Variants in TSPAN9 observed in about 807,000 individuals in gnomAD.
The protein encoded by TSPAN9 is tetraspanin 9, also known as tetraspanin-9.
Under a neutral mutation model 31.0 loss-of-function variants are expected in TSPAN9, and 16 were observed. That is an observed-to-expected ratio of 0.52 (90% CI 0.35 to 0.78). The LOEUF (loss-of-function observed/expected upper bound fraction) is 0.78. Ranked by LOEUF, TSPAN9 falls within the 30% of genes least tolerant of loss-of-function variation. The probability of loss-of-function intolerance (pLI) is 0.01; values close to 1 mark genes in which losing one functional copy is unlikely to be tolerated. For synonymous variants in TSPAN9, 145 were observed against 121.6 expected (o/e 1.19, Z -1.27); for missense variants, 272 against 312.5 (o/e 0.87, Z 0.98).
At chr12:3,167,965 G>GT (rs2098349455) in intron 2 of TSPAN9, among the ~76,000 whole-genome samples, 2 of 152,322 alleles carry the variant, frequency 1.3e-5, no homozygotes, top group South Asian at 4.1e-4. Context: ...ATTCTGCAGG[G>GT]TCAGGTCATG....
At chr12:3,080,480 G>A (rs970271255) in intron 1 of TSPAN9, among the ~76,000 whole-genome samples, 6 of 151,966 alleles carry the variant, frequency 3.9e-5, no homozygotes, top group African/African-American at 1.2e-4. Flanking sequence ...GACTACAGGC[G>A]CCCGCCATCA....
chr12:3,265,043 A>C (rs11609052), intron 3 of TSPAN9, among the ~76,000 whole-genome samples: 12,692 of 152,180 alleles, frequency 0.083, 620 homozygotes, highest in Non-Finnish European at 0.098. Context: ...TGGCCCGGCT[A>C]TTCCCAGGGT....
At chr12:3,165,509 A>C (rs1396748626) in intron 2 of TSPAN9, among the ~76,000 whole-genome samples, 6 of 152,294 alleles carry the variant, frequency 3.9e-5, no homozygotes, top group Non-Finnish European at 8.8e-5. Context: ...GGGGGAGTCC[A>C]GAAGTATTTA....
intron 2 of TSPAN9, among the ~76,000 whole-genome samples, chr12:3,151,988 G>T (rs773925109): frequency 2.0e-5 from 3 of 152,222 alleles, no homozygotes; most frequent in African/African-American, 7.2e-5. Flanking sequence ...ACAATCAGGC[G>T]TAAGTAAATT....
At chr12:3,113,000 C>G (rs534636742) in intron 2 of TSPAN9, among the ~76,000 whole-genome samples, 5 of 152,286 alleles carry the variant, frequency 3.3e-5, no homozygotes, top group African/African-American at 1.2e-4. Context: ...TCCAGAAATT[C>G]TTACATTTCC....
At chr12:3,179,324 G>A (rs1386249657) in intron 2 of TSPAN9, among the ~76,000 whole-genome samples, 1 of 152,110 alleles carries the variant, frequency 6.6e-6, no homozygotes, top group Non-Finnish European at 1.5e-5. Context: ...ACCGGCCCAG[G>A]GTGGTAGCTA....
intron 1 of TSPAN9, among the ~76,000 whole-genome samples, chr12:3,081,808 TTGTGTG>T (rs985080707): frequency 1.7e-5 from 1 of 58,412 alleles, no homozygotes; most frequent in Non-Finnish European, 3.4e-5. Context: ...ATCTAAAAAA[TTGTGTG>T]TGTGTGTGTG....
chr12:3,182,916 C>A (rs1219580468), intron 2 of TSPAN9, among the ~76,000 whole-genome samples: 2 of 152,190 alleles, frequency 1.3e-5, no homozygotes, highest in African/African-American at 4.8e-5. Context: ...CACAGAGTGG[C>A]GGAGACAGGG....
chr12:3,254,989 GGCA>G (rs1309158683), intron 3 of TSPAN9, among the ~76,000 whole-genome samples: 1 of 152,172 alleles, frequency 6.6e-6, no homozygotes, highest in African/African-American at 2.4e-5. Context: ...CTGGAAGGAG[GGCA>G]GCAGCTGCCC....
chr12:3,089,174 G>C (rs1219679967), intron 2 of TSPAN9, among the ~76,000 whole-genome samples: 1 of 150,614 alleles, frequency 6.6e-6, no homozygotes, highest in Non-Finnish European at 1.5e-5. Flanking sequence ...GGAGCTTGCA[G>C]TGAGCTGAGA....
At chr12:3,179,519 C>T (rs1480809120) in intron 2 of TSPAN9, among the ~76,000 whole-genome samples, 3 of 152,274 alleles carry the variant, frequency 2.0e-5, no homozygotes, top group Non-Finnish European at 4.4e-5. Flanking sequence ...GGAGAACCAG[C>T]AGGAGGTGGT....
chr12:3,103,293 C>T (rs1233637939), intron 2 of TSPAN9, among the ~76,000 whole-genome samples: 6 of 152,300 alleles, frequency 3.9e-5, no homozygotes, highest in East Asian at 1.9e-4. Flanking sequence ...GCCTCGTCCG[C>T]GGTAGCTGTT....
At chr12:3,226,904 A>G (rs2098388133) in intron 3 of TSPAN9, among the ~76,000 whole-genome samples, 1 of 147,140 alleles carries the variant, frequency 6.8e-6, no homozygotes, top group African/African-American at 2.5e-5. Context: ...GGCTTCTCCT[A>G]ATATGTGGTC....
chr12:3,167,951 T>C (rs532061713), intron 2 of TSPAN9, among the ~76,000 whole-genome samples: 1 of 152,276 alleles, frequency 6.6e-6, no homozygotes, highest in Admixed American at 6.5e-5. Flanking sequence ...GAGCTCTGGG[T>C]CTTATTCTGC....
At chr12:3,122,438 A>G (rs1319055459) in intron 2 of TSPAN9, among the ~76,000 whole-genome samples, 1 of 151,988 alleles carries the variant, frequency 6.6e-6, no homozygotes, top group Non-Finnish European at 1.5e-5. Flanking sequence ...ACACACCACC[A>G]TGCTTGGCAA....
chr12:3,083,442 G>A (rs946625302), intron 1 of TSPAN9, among the ~76,000 whole-genome samples: 2 of 152,180 alleles, frequency 1.3e-5, no homozygotes, highest in African/African-American at 4.8e-5. Context: ...CCAGGGCTTG[G>A]GTTCTGCTCA....
chr12:3,122,333 G>T (rs1005636232), intron 2 of TSPAN9, among the ~76,000 whole-genome samples: 3 of 151,336 alleles, frequency 2.0e-5, no homozygotes, highest in Non-Finnish European at 4.4e-5. Flanking sequence ...AAAAAAAAAG[G>T]AGATAGAGTC....
At chr12:3,217,759 C>A (rs899762387) in intron 3 of TSPAN9, among the ~76,000 whole-genome samples, 3 of 152,104 alleles carry the variant, frequency 2.0e-5, no homozygotes, top group Admixed American at 6.5e-5. Flanking sequence ...TTCCCTGCTT[C>A]CAGGCCTTCT....
intron 2 of TSPAN9, among the ~76,000 whole-genome samples, chr12:3,141,631 C>T (rs7315917): frequency 0.48 from 72,589 of 151,662 alleles, 17,692 homozygotes; most frequent in East Asian, 0.68. Flanking sequence ...TGCCCTGACT[C>T]CTCGGTGTGC....
Sources: allele counts gnomAD v4.1 joint callset (sites outside exome capture counted in the v4.1 genomes callset), GRCh38; gene constraint gnomAD v4.1.1; transcripts MANE v1.5; gene names NCBI Gene and HGNC (gene_info 2026-07-23, HGNC 2026-07-21).